Variants in TMPRSS11E observed in about 807,000 individuals in gnomAD.
The protein encoded by TMPRSS11E is transmembrane serine protease 11E.
Under a neutral mutation model 48.1 loss-of-function variants are expected in TMPRSS11E, and 38 were observed. The ratio of observed to expected loss-of-function variants is 0.79; its 90% CI spans 0.61 to 1.04. The LOEUF is 1.04. Among genes scored for constraint, TMPRSS11E ranks in the 50% least tolerant of loss-of-function variants. TMPRSS11E has a pLI of 0.00. For synonymous variants in TMPRSS11E, 158 were observed against 171.9 expected, an observed-to-expected ratio of 0.92 and a Z score of 0.63; for missense variants, 530 against 510.8, an observed-to-expected ratio of 1.04 and a Z score of -0.36.
In TMPRSS11E at chr4:68,466,663, T is replaced by C; in HGVS notation, c.169T>C (p.Leu57=). 2.5e-6 allele frequency: 4 copies of C among 1,613,636 alleles called. No individual in the cohort carries two copies. The highest frequency in any genetic ancestry group is 3.4e-6 in the Non-Finnish European group (4 of 1,179,654). Residue 57 remains leucine, a synonymous_variant, in exon 3 of 10, where the codon TTG becomes CTG. Transcript: ENST00000305363. The part of the protein sequence containing the change: ...QKKTYNYYST[L]SFTTDKLYAE... The stretch of plus-strand genomic sequence containing the variant: ...GAAGACCTACAATTACTATAGCACA[T>C]TGTCATTTACAACTGACAAACTATA...
intron 4 of TMPRSS11E, 40 bp from the exon 5 acceptor site, chr4:68,471,420 T>G: frequency 5.0e-6 from 6 of 1,189,660 alleles, no homozygotes; most frequent in South Asian, 5.8e-5. Context: ...CTTTCTTCTT[T>G]TCTTTTCTTT....
chr4:68,452,216 A>G (rs1249297420), intron 1 of TMPRSS11E, among the ~76,000 whole-genome samples: 1 of 151,878 alleles, frequency 6.6e-6, no homozygotes, highest in African/African-American at 2.4e-5. Context: ...GAAGAGTTAA[A>G]TTAACACCGG....
At chr4:68,456,429 T>A (rs1728631944) in intron 1 of TMPRSS11E, among the ~76,000 whole-genome samples, 1 of 152,020 alleles carries the variant, frequency 6.6e-6, no homozygotes, top group Non-Finnish European at 1.5e-5. Flanking sequence ...TGTAATTTTA[T>A]GTGGAGTAAT....
At chr4:68,480,883 G>A (rs1729381554) in intron 9 of TMPRSS11E, among the ~76,000 whole-genome samples, 1 of 152,126 alleles carries the variant, frequency 6.6e-6, no homozygotes, top group Non-Finnish European at 1.5e-5. Context: ...GGGGTTTGGT[G>A]TACAAATTAT....
chr4:68,494,124 TCTCA>T (rs3840274), intron 9 of TMPRSS11E, among the ~76,000 whole-genome samples: 76,241 of 151,510 alleles, frequency 0.5, 21,457 homozygotes, highest in Non-Finnish European at 0.65. Flanking sequence ...CTGTCTATAT[TCTCA>T]CTCAAAGAAG....
At chr4:68,492,624 TTAC>T (rs1472947023) in intron 9 of TMPRSS11E, among the ~76,000 whole-genome samples, 1 of 152,206 alleles carries the variant, frequency 6.6e-6, no homozygotes. Context: ...TTAGCGGTGT[TTAC>T]TGTGAGTTTA....
rs142059765 is a variant in TMPRSS11E, at chr4:68,493,937, C to T, written c.1111-2706C>T. Among the ~76,000 whole-genome samples, 412 of 152,140 alleles carry T rather than the reference C, an allele frequency of 2.7e-3. 2 individuals carry two copies. Among genetic ancestry groups the T allele is most frequent in the African/African-American group, 9.2e-3 (383 of 41,516 alleles). On this transcript the variant is annotated intron_variant, in intron 9 of 9. Coordinates refer to ENST00000305363, the MANE Select transcript of TMPRSS11E (RefSeq NM_014058.4). Reference sequence around the variant, plus strand: ...TGTTTCTCATCTCAGTGGTATTTGGCGACCTTGCCTTTCTTAAGACATATC... The same window carrying T: ...TGTTTCTCATCTCAGTGGTATTTGGTGACCTTGCCTTTCTTAAGACATATC...
rs764251209 is a variant in TMPRSS11E at position 68,466,683 on chromosome 4, A to G, written c.189A>G (p.Lys63=). 2.1e-5 allele frequency: 34 copies of G among 1,613,646 alleles called. No homozygotes were observed. The highest frequency in any genetic ancestry group is 2.7e-5 in the Non-Finnish European group (32 of 1,179,706). Residue 63 remains lysine, a synonymous_variant, in exon 3 of 10, where the codon AAA becomes AAG. Transcript: ENST00000305363. ...GCACATTGTCATTTACAACTGACAA[A>G]CTATATGCTGAGTTTGGCAGAGAGG... ...YYSTLSFTTD[K]LYAEFGREAS... is the part of the protein sequence containing the mutation.
intron 9 of TMPRSS11E, among the ~76,000 whole-genome samples, chr4:68,487,037 T>G (rs1729573253): frequency 6.6e-6 from 1 of 152,210 alleles, no homozygotes; most frequent in African/African-American, 2.4e-5. Flanking sequence ...ATGGGTCTCC[T>G]GATGATAGCA....
At chr4:68,454,179 A>G (rs558282624) in intron 1 of TMPRSS11E, among the ~76,000 whole-genome samples, 20 of 152,106 alleles carry the variant, frequency 1.3e-4, no homozygotes, top group African/African-American at 3.6e-4. Context: ...GGTATAGCCC[A>G]TTGTGATGAA....
At chr4:68,452,487 G>A (rs546104531) in intron 1 of TMPRSS11E, among the ~76,000 whole-genome samples, 1 of 151,966 alleles carries the variant, frequency 6.6e-6, no homozygotes, top group African/African-American at 2.4e-5. Flanking sequence ...ATATTACCAT[G>A]ACTTTACAGC....
chr4:68,466,844 C>T (rs374852089), intron 3 of TMPRSS11E, 92 bp downstream of exon 3: 30 of 1,506,870 alleles, frequency 2.0e-5, no homozygotes, highest in South Asian at 8.1e-5. Context: ...ATTCAACTAA[C>T]GGATCCCTGT....
rs1729074363 is a variant in TMPRSS11E, at chr4:68,471,638, C to T, written c.490+15C>T. Reference sequence around the variant, plus strand: ...TAAAATTAAAAGTAAGTTAATTTCTCTTATTTTTCTTTCATAGAACAGCTT... The same window carrying T: ...TAAAATTAAAAGTAAGTTAATTTCTTTTATTTTTCTTTCATAGAACAGCTT... On this transcript the variant is annotated intron_variant, in intron 5 of 9. Coordinates refer to ENST00000305363, the MANE Select transcript of TMPRSS11E (RefSeq NM_014058.4). The T allele has an allele frequency of 1.3e-6, 2 of 1,547,502 alleles. No individual in the cohort carries two copies. The highest frequency in any genetic ancestry group is 2.3e-5 in the East Asian group (1 of 42,898).
chr4:68,466,861 G>T, intron 3 of TMPRSS11E, 109 bp downstream of exon 3: 1 of 1,449,730 alleles, frequency 6.9e-7, no homozygotes, highest in Non-Finnish European at 9.5e-7. Flanking sequence ...CTGTGTATTT[G>T]CAAAATGAAA....
Position 68,459,806 on chromosome 4 carries a change from A to G in TMPRSS11E, c.12-2015A>G, listed in dbSNP as rs191561292. Among the ~76,000 whole-genome samples, 408 of 152,144 alleles carry G rather than the reference A, an allele frequency of 2.7e-3. 4 individuals carry two copies. The highest frequency in any genetic ancestry group is 5.5e-3 in the Admixed American group (84 of 15,270). ...GACATGTTTTGATATTAGTTGAGAAACCCTTCTCTCCCTGTATTCCCCCCA... is the reference window on the plus strand; with the variant it reads ...GACATGTTTTGATATTAGTTGAGAAGCCCTTCTCTCCCTGTATTCCCCCCA... On this transcript the variant is annotated intron_variant, in intron 1 of 9. Coordinates refer to ENST00000305363, the MANE Select transcript of TMPRSS11E (RefSeq NM_014058.4).
At chr4:68,460,211 C>T (rs1257822142) in intron 1 of TMPRSS11E, among the ~76,000 whole-genome samples, 1 of 152,150 alleles carries the variant, frequency 6.6e-6, no homozygotes, top group Non-Finnish European at 1.5e-5. Context: ...CCATTGACTT[C>T]TATGCCAATG....
chr4:68,472,443 T>C (rs1398591138), intron 5 of TMPRSS11E, among the ~76,000 whole-genome samples: 1 of 152,052 alleles, frequency 6.6e-6, no homozygotes, highest in East Asian at 1.9e-4. Flanking sequence ...ATCAAATATT[T>C]CACTTTTTTT....
chr4:68,467,775 G>A (rs1192522670), intron 3 of TMPRSS11E, among the ~76,000 whole-genome samples: 1 of 152,144 alleles, frequency 6.6e-6, no homozygotes, highest in African/African-American at 2.4e-5. Flanking sequence ...CCAAATCAGG[G>A]AAATATTTGA....
intron 4 of TMPRSS11E, 149 bp from the exon 5 acceptor site, chr4:68,471,311 T>A (rs1299300065): frequency 8.6e-6 from 4 of 466,994 alleles, no homozygotes. Context: ...CCTTTTTCCT[T>A]TCCCTTCTCC....
Sources: allele counts gnomAD v4.1 joint callset (sites outside exome capture counted in the v4.1 genomes callset), GRCh38; gene constraint gnomAD v4.1.1; transcripts MANE v1.5; gene names NCBI Gene and HGNC (gene_info 2026-07-23, HGNC 2026-07-21).